Variants in CENPS observed in about 807,000 individuals in gnomAD.
CENPS encodes the protein FANCM associated histone fold protein 1.
In CENPS, 16 loss-of-function variants were observed where a neutral mutation model predicts 17.9. That is an observed-to-expected ratio of 0.90 (90% CI 0.61 to 1.36). CENPS has a LOEUF of 1.36. Among genes scored for constraint, CENPS ranks in the 40% most tolerant of loss-of-function variants. CENPS has a pLI of 0.00. For missense variants in CENPS, 160 were observed against 158.6 expected, an observed-to-expected ratio of 1.01 and a Z score of -0.05; for synonymous variants, 49 against 55.8, an observed-to-expected ratio of 0.88 and a Z score of 0.54.
intron 3 of CENPS, among the ~76,000 whole-genome samples, chr1:10,435,141 C>T (rs1197524198): frequency 6.6e-6 from 1 of 152,146 alleles, no homozygotes. Context: ...TTTCATTTGC[C>T]GCATTTGTTC....
rs661272 is a variant in CENPS, at chr1:10,430,493, G to A, written c.-25G>A. ...CACCGCCCCTTCTCGGCCCTCCTGC[G>A]TTTGCCCAGGGTCGGCCCGCAGTGA... On this transcript the variant is annotated 5_prime_UTR_variant, in exon 1 of 5. Transcript: ENST00000309048. 1.3e-6 allele frequency: 2 copies of A among 1,535,336 alleles called. No individual in the cohort carries two copies. The highest frequency in any genetic ancestry group is 4.0e-5 in the Admixed American group (2 of 49,998).
chr1:10,430,839 C>G (rs918955460), intron 1 of CENPS: 1 of 1,337,402 alleles, frequency 7.5e-7, no homozygotes, highest in Non-Finnish European at 9.5e-7. Context: ...AGGCCACCTT[C>G]TGGCCTTGCG....
intron 4 of CENPS, among the ~76,000 whole-genome samples, 187 bp from the exon 5 acceptor site, chr1:10,442,078 A>T (rs1640439879): frequency 7.1e-6 from 1 of 139,968 alleles, no homozygotes; most frequent in African/African-American, 2.5e-5. Flanking sequence ...TCTACAAAAA[A>T]TTTAAAAAAA....
chr1:10,440,506 C>T, intron 4 of CENPS, 93 bp downstream of exon 4: 3 of 1,516,178 alleles, frequency 2.0e-6, no homozygotes, highest in Non-Finnish European at 2.7e-6. Flanking sequence ...TTCCCCAGGG[C>T]ACCTTGCATT....
At chr1:10,440,091 G>A in intron 3 of CENPS, 1 of 502,710 alleles carries the variant, frequency 2.0e-6, no homozygotes, top group Middle Eastern at 5.3e-4. Context: ...TCCTGTCTGT[G>A]CTCTTATGCT....
At position 10,436,720 on chromosome 1, in the gene CENPS, AAG is replaced by A. The variant is rs1216461992; in HGVS notation, c.209+2032_209+2033del. Reference sequence around the variant, plus strand: ...GACTCTGTCTCTTTAAAAAAAAAAAAAGAAAAGAAAAGAAAAAAAAAAGTTTG... The same window carrying A: ...GACTCTGTCTCTTTAAAAAAAAAAAAAAAAGAAAAGAAAAAAAAAAGTTTG... On this transcript the variant is annotated intron_variant, in intron 3 of 4. Coordinates refer to ENST00000309048, the MANE Select transcript of CENPS (RefSeq NM_199294.3). 6.6e-3 allele frequency among the ~76,000 whole-genome samples: 763 copies of A among 115,182 alleles called. 28 individuals are homozygous for A. The highest frequency in any genetic ancestry group is 0.022 in the African/African-American group (727 of 32,542). 75.6% of individuals were successfully genotyped at this position (115,182 alleles called of 152,430 possible).
In CENPS at chr1:10,431,259, C is replaced by T. The variant is rs1203073387; in HGVS notation, c.51+691C>T. On this transcript the variant is annotated intron_variant, in intron 1 of 4. Coordinates refer to ENST00000309048, the MANE Select transcript of CENPS (RefSeq NM_199294.3). ...TAAAAGCAAGACCCGGAGTGGCGAC[C>T]TTAAAGAGGACGGACTGAAGAAACG... 2.6e-6 allele frequency: 4 copies of T among 1,534,882 alleles called. No homozygotes were observed. The South Asian group carries it at 4.8e-5, about 18-fold the overall frequency.
At chr1:10,433,819 A>G in intron 1 of CENPS, 23 bp from the exon 2 acceptor site, 1 of 1,613,748 alleles carries the variant, frequency 6.2e-7, no homozygotes. Flanking sequence ...TTACCCGTGA[A>G]ATATTTTGAT....
At chr1:10,439,734 C>CT (rs1491187851) in intron 3 of CENPS, among the ~76,000 whole-genome samples, 5 of 147,740 alleles carry the variant, frequency 3.4e-5, no homozygotes, top group Admixed American at 3.3e-4. Context: ...GAACGAGACT[C>CT]TGTCTCAAAA....
At chr1:10,430,800 G>A in intron 1 of CENPS, 1 of 1,358,150 alleles carries the variant, frequency 7.4e-7, no homozygotes, top group South Asian at 1.8e-5. Flanking sequence ...TTCTAGGGGA[G>A]CGTGCGGGCG....
At chr1:10,436,529 C>G (rs1290762458) in intron 3 of CENPS, among the ~76,000 whole-genome samples, 2 of 129,850 alleles carry the variant, frequency 1.5e-5, no homozygotes, top group East Asian at 4.5e-4. Flanking sequence ...GGGTGAAACC[C>G]TGTCTCCTAA....
chr1:10,441,620 CTTTT>C (rs34369229), intron 4 of CENPS, among the ~76,000 whole-genome samples: 5 of 48,328 alleles, frequency 1.0e-4, no homozygotes, highest in African/African-American at 2.6e-4. Flanking sequence ...GGCTACAACT[CTTTT>C]TTTTTTTTTT....
chr1:10,432,679 C>T (rs1639975580), intron 1 of CENPS, among the ~76,000 whole-genome samples: 1 of 151,958 alleles, frequency 6.6e-6, no homozygotes, highest in Non-Finnish European at 1.5e-5. Context: ...ATTCCTGGAG[C>T]CAAGAGCATT....
In CENPS at chr1:10,433,928, C is replaced by G. The variant is rs1640036300; in HGVS notation, c.138C>G (p.Thr46=). 1 of 1,614,038 alleles carries G rather than the reference C, an allele frequency of 6.2e-7. No individual in the cohort carries two copies. Residue 46 remains threonine (T), a synonymous_variant, in exon 2 of 5, where the codon ACC becomes ACG. Coordinates refer to ENST00000309048, the MANE Select transcript of CENPS (RefSeq NM_199294.3). ...AAGAGATGCAGTTCAGCAAACAGAC[C>G]ATTGCGGCCATTTCGGAGCTGACTT... ...LDKEMQFSKQ[T]IAAISELTFR...
rs1640451066 is a variant in CENPS at position 10,442,267 on chromosome 1, A to G, written c.279A>G (p.Leu93=). The G allele has an allele frequency of 1.9e-6, 3 of 1,585,308 alleles. No homozygotes were observed. Among genetic ancestry groups the G allele is most frequent in the Non-Finnish European group, 2.6e-6 (3 of 1,172,678 alleles). Residue 93 remains leucine, a splice_region_variant and synonymous_variant, in exon 5 of 5, where the codon CTA becomes CTG. Coordinates refer to ENST00000309048, the MANE Select transcript of CENPS (RefSeq NM_199294.3). The part of the protein sequence containing the change: ...KLLARRSNSL[L]KYITDKSEEI... ...AAATACAGATTTTTTTTTTATAGCTAAAATACATCACAGACAAAAGTGAAG... is the reference window on the plus strand; with the variant it reads ...AAATACAGATTTTTTTTTTATAGCTGAAATACATCACAGACAAAAGTGAAG...
intron 3 of CENPS, 143 bp downstream of exon 3, chr1:10,434,833 A>G: frequency 8.3e-6 from 10 of 1,197,766 alleles, no homozygotes; most frequent in Non-Finnish European, 1.0e-5. Flanking sequence ...TGGTTCTGCA[A>G]GAACATGACG....
intron 1 of CENPS, 184 bp downstream of exon 1, chr1:10,430,752 G>A: frequency 2.1e-6 from 3 of 1,403,248 alleles, no homozygotes; most frequent in Non-Finnish European, 2.8e-6. Context: ...GCGGCAACGC[G>A]GCTGGACCCT....
rs1461392790 is a variant in CENPS at position 10,433,903 on chromosome 1, A to G, written c.113A>G (p.Lys38Arg). ...CTTTGCGAGGAAGTTGCATTGGACA[A>G]AGAGATGCAGTTCAGCAAACAGACC... Reference protein sequence around the residue: ...GCLCEEVALDKEMQFSKQTIA... With the variant: ...GCLCEEVALDREMQFSKQTIA... The change falls in exon 2 of 5, where the codon AAA (lysine) becomes AGA (arginine). Residue 38 changes from lysine to arginine, a missense_variant. By Grantham distance (26) the Lys-to-Arg change is conservative. Coordinates refer to ENST00000309048, the MANE Select transcript of CENPS (RefSeq NM_199294.3). The G allele has an allele frequency of 6.2e-7, 1 of 1,614,230 alleles. No individual in the cohort carries two copies. Among genetic ancestry groups the G allele is most frequent in the Admixed American group, 1.7e-5 (1 of 60,016 alleles).
rs144342723 is a variant in CENPS at position 10,438,951 on chromosome 1, G to A, written c.210-1396G>A. Among the ~76,000 whole-genome samples the A allele has an allele frequency of 3.8e-3, 582 of 152,240 alleles. 3 individuals are homozygous for A. Among genetic ancestry groups the A allele is most frequent in the African/African-American group, 0.013 (559 of 41,548 alleles). ...AACATTCTCCACCCAGAACGTCTGT[G>A]GACTGACCTCATTCTTTGTGGCTGC... On this transcript the variant is annotated intron_variant, in intron 3 of 4. Transcript: ENST00000309048.
Sources: gnomAD v4.1 joint callset for allele counts (sites outside exome capture counted in the v4.1 genomes callset) on GRCh38, gnomAD v4.1.1 for gene constraint, MANE v1.5 for transcripts, NCBI Gene and HGNC (gene_info 2026-07-23, HGNC 2026-07-21) for gene names.